BBS5: variants seen among roughly 807,000 people sequenced by gnomAD.
BBS5 encodes the protein Bardet-Biedl syndrome 5, also known as BBSome complex member BBS5.
In BBS5, 39 loss-of-function variants were observed where a neutral mutation model predicts 50.2. The ratio of observed to expected loss-of-function variants is 0.78; its 90% CI spans 0.60 to 1.01. The LOEUF (loss-of-function observed/expected upper bound fraction) is 1.01. Ranked by LOEUF, BBS5 falls within the 50% of genes least tolerant of loss-of-function variation. The pLI is 0.00. For synonymous variants in BBS5, 134 were observed against 133.1 expected (o/e 1.01, Z -0.05); for missense variants, 356 against 401.5 (o/e 0.89, Z 0.97).
intron 7 of BBS5, among the ~76,000 whole-genome samples, chr2:169,494,471 C>G (rs1683658437): frequency 6.6e-6 from 1 of 151,720 alleles, no homozygotes; most frequent in Admixed American, 6.6e-5. Flanking sequence ...AATCTCAGTA[C>G]TTTGAGAGGC....
In BBS5 at chr2:169,506,040, G is replaced by C. The variant is rs1168425506; in HGVS notation, c.*1458G>C. The C allele has an allele frequency of 6.8e-6, 1 of 146,526 alleles. No homozygotes were observed. The highest frequency in any genetic ancestry group is 2.6e-5 in the African/African-American group (1 of 39,208). The allele number at this position is 146,526 out of a possible 1,614,324, so 9.1% of individuals were successfully genotyped here. A position where few individuals can be genotyped will look rare whatever the true frequency, so the allele number is the denominator to read the frequency against. ...CCCCGCCCGGCTAGCCGCCCCGTCC[G>C]GGAGGCGAGGGGCGCCTCTGCCCGG... is the stretch of plus-strand genomic sequence containing the variant. On this transcript the variant is annotated 3_prime_UTR_variant, in exon 12 of 12. Coordinates refer to ENST00000295240, the MANE Select transcript of BBS5 (RefSeq NM_152384.3).
At chr2:169,481,281 T>A (rs1305712512) in intron 1 of BBS5, among the ~76,000 whole-genome samples, 2 of 152,182 alleles carry the variant, frequency 1.3e-5, no homozygotes, top group Non-Finnish European at 2.9e-5. Flanking sequence ...TCATAGTATT[T>A]GAGTTGTTCC....
intron 9 of BBS5, among the ~76,000 whole-genome samples, chr2:169,502,329 G>C (rs975673801): frequency 6.6e-6 from 1 of 152,144 alleles, no homozygotes; most frequent in Non-Finnish European, 1.5e-5. Flanking sequence ...AGGAGACTGA[G>C]GCTTAGTTAA....
chr2:169,482,378 C>A, intron 2 of BBS5, 45 bp downstream of exon 2: 1 of 1,227,458 alleles, frequency 8.1e-7, no homozygotes, highest in Non-Finnish European at 1.2e-6. Context: ...GTTTAATTTA[C>A]AAATGTTGAA....
At chr2:169,483,513 T>C (rs902210176) in intron 2 of BBS5, among the ~76,000 whole-genome samples, 2 of 152,214 alleles carry the variant, frequency 1.3e-5, no homozygotes, top group East Asian at 3.8e-4. Context: ...CCCTAATAGA[T>C]GGCAAGTAGG....
intron 5 of BBS5, among the ~76,000 whole-genome samples, chr2:169,489,056 G>C (rs1385099231): frequency 1.3e-5 from 2 of 151,976 alleles, no homozygotes; most frequent in Admixed American, 1.3e-4. Flanking sequence ...TAGTGGTGCA[G>C]TCATAACTCA....
intron 2 of BBS5, among the ~76,000 whole-genome samples, chr2:169,485,644 G>A (rs191617419): frequency 2.6e-4 from 40 of 152,166 alleles, no homozygotes; most frequent in Non-Finnish European, 2.1e-4. Context: ...AACTTTTATC[G>A]CCTGTGCTGC....
rs554049177 is a variant in BBS5, at chr2:169,503,103, G to T, written c.825G>T (p.Pro275=). ...VDYEMEEKPQ[P]LEALTVEQIQ... ...CATCTGCTGATTTTCAGCCCCAGCC[G>T]CTCGAAGCTCTGACAGTCGAACAAA... The change falls in exon 10 of 12, where the codon CCG becomes CCT. Residue 275 remains proline (P), a synonymous_variant. Transcript: ENST00000295240. 2.5e-6 allele frequency: 4 copies of T among 1,613,098 alleles called. No individual in the cohort carries two copies. The East Asian group carries it at 6.7e-5, about 27-fold the overall frequency.
intron 1 of BBS5, among the ~76,000 whole-genome samples, chr2:169,480,054 A>ATC (rs574818933): frequency 6.6e-6 from 1 of 152,330 alleles, no homozygotes; most frequent in South Asian, 2.1e-4. Flanking sequence ...GCCCTTGAGC[A>ATC]GATGTCTTCA....
intron 5 of BBS5, among the ~76,000 whole-genome samples, chr2:169,489,303 A>G (rs1355235863): frequency 6.6e-6 from 1 of 151,922 alleles, no homozygotes; most frequent in Non-Finnish European, 1.5e-5. Context: ...TCTACTAAAA[A>G]TACAAAAAAA....
intron 2 of BBS5, among the ~76,000 whole-genome samples, chr2:169,483,154 C>G (rs977860491): frequency 2.6e-5 from 4 of 152,108 alleles, no homozygotes; most frequent in African/African-American, 9.7e-5. Flanking sequence ...AGAGAAGGAA[C>G]AGTAAACCTT....
rs1208564603 is a variant in BBS5, at chr2:169,490,813, T to TTCCCTCCAC, written c.387-2057_387-2049dup. Among the ~76,000 whole-genome samples, 4 of 152,294 alleles carry TTCCCTCCAC rather than the reference T, an allele frequency of 2.6e-5. No individual in the cohort carries two copies. In the East Asian group the frequency reaches 7.7e-4, roughly 29 times the overall value. The stretch of plus-strand genomic sequence containing the variant: ...CCTTACCCATAGCAGTCATTTCCCA[T>TTCCCTCCAC]TCCCTCCACTCCACAGCCCCTGATA... On this transcript the variant is annotated intron_variant, in intron 5 of 11. Transcript: ENST00000295240.
intron 10 of BBS5, among the ~76,000 whole-genome samples, 191 bp from the exon 11 acceptor site, chr2:169,504,112 C>T (rs1683857661): frequency 6.6e-6 from 1 of 152,102 alleles, no homozygotes; most frequent in Non-Finnish European, 1.5e-5. Context: ...TAAGGTATAA[C>T]TCTTGTAGAC....
At chr2:169,491,477 T>A (rs927811919) in intron 5 of BBS5, among the ~76,000 whole-genome samples, 1 of 152,236 alleles carries the variant, frequency 6.6e-6, no homozygotes, top group Admixed American at 6.5e-5. Context: ...TATATGAATC[T>A]GTTGTTATTA....
rs375680539 is a variant in BBS5 at position 169,500,380 on chromosome 2, A to G, written c.816+760A>G. On this transcript the variant is annotated intron_variant, in intron 9 of 11. Transcript: ENST00000295240. ...GGTGCCCCCCACTGTCTGCTCTATC[A>G]CTGGGACAGTCACTCACCATTCTGT... 2.1e-4 allele frequency among the ~76,000 whole-genome samples: 32 copies of G among 152,142 alleles called. No homozygotes were observed. The East Asian group carries it at 5.2e-3, about 25-fold the overall frequency.
chr2:169,500,577 C>G (rs1290507779), intron 9 of BBS5, among the ~76,000 whole-genome samples: 2 of 152,178 alleles, frequency 1.3e-5, no homozygotes, highest in African/African-American at 4.8e-5. Context: ...AATCGGTGCC[C>G]CTGCTGGGGC....
chr2:169,480,885 T>G (rs2105290990), intron 1 of BBS5, among the ~76,000 whole-genome samples: 1 of 152,178 alleles, frequency 6.6e-6, no homozygotes, highest in Non-Finnish European at 1.5e-5. Context: ...TTCTCCATGT[T>G]GAGGCTGGTC....
At chr2:169,502,163 C>T (rs1683818054) in intron 9 of BBS5, among the ~76,000 whole-genome samples, 2 of 152,156 alleles carry the variant, frequency 1.3e-5, no homozygotes, top group Admixed American at 6.5e-5. Flanking sequence ...AACTAGCACA[C>T]GATAGGCTCT....
rs1489332362 is a variant in BBS5 at position 169,488,011 on chromosome 2, C to T, written c.283C>T (p.Leu95Phe). 1 of 1,613,764 alleles carries T rather than the reference C, an allele frequency of 6.2e-7. No homozygotes were observed. The highest frequency in any genetic ancestry group is 1.7e-5 in the Admixed American group (1 of 60,016). ...GAAATTACGAGGCCAAACTGAAGCT[C>T]TCTATATACTAACAAAATGTAACAG... Reference protein sequence around the residue: ...NSKLRGQTEALYILTKCNSTR... With the variant: ...NSKLRGQTEAFYILTKCNSTR... Residue 95 changes from leucine (L) to phenylalanine (F), a missense_variant, in exon 5 of 12, where the codon CTC becomes TTC. Leu to Phe is a conservative substitution (Grantham distance 22). Coordinates refer to ENST00000295240, the MANE Select transcript of BBS5 (RefSeq NM_152384.3).
Sources: allele counts gnomAD v4.1 joint callset (sites outside exome capture counted in the v4.1 genomes callset), GRCh38; gene constraint gnomAD v4.1.1; transcripts MANE v1.5; gene names NCBI Gene and HGNC (gene_info 2026-07-23, HGNC 2026-07-21).